EXOC1L: variants seen among roughly 807,000 people sequenced by gnomAD.
The protein encoded by EXOC1L is exocyst complex component 1-like.
A neutral mutation model predicts 4.9 loss-of-function variants in EXOC1L; 10 were observed. The observed-to-expected ratio is 2.02, with a 90% CI of 1.25 to 3.43. The LOEUF (loss-of-function observed/expected upper bound fraction) is 3.43, where lower values mean the gene tolerates loss of function less well. EXOC1L is among the 30% of genes most tolerant of loss of function. The probability of loss-of-function intolerance (pLI) is 0.00; values close to 1 mark genes in which losing one functional copy is unlikely to be tolerated. For synonymous variants in EXOC1L, 41 were observed against 20.8 expected, an observed-to-expected ratio of 1.97 and a Z score of -2.63; for missense variants, 114 against 59.4, an observed-to-expected ratio of 1.92 and a Z score of -3.02.
intron 1 of EXOC1L, among the ~76,000 whole-genome samples, chr4:55,831,005 T>C (rs938272959): frequency 1.3e-5 from 2 of 152,192 alleles, no homozygotes; most frequent in Non-Finnish European, 2.9e-5. Context: ...ATGCTAAGGC[T>C]AAGCCTCTTA....
chr4:55,837,166 C>T lies in EXOC1L; in HGVS notation c.334C>T (p.Arg112Ter), dbSNP rs1426277040. Reference protein sequence around the residue: ...YSCASKYAFARTVNKLNHAYL... With the variant: ...YSCASKYAFA ...CTGTGCTTCTAAATATGCCTTTGCT[C>T]GAACTGTAAATAAGCTGAATCATGC... The change falls in exon 3 of 3, where the codon CGA (arginine) becomes TGA (stop). Residue 112 changes from arginine (R) to a stop codon, truncating the protein, a stop_gained. Coordinates refer to ENST00000636125, the MANE Select transcript of EXOC1L (RefSeq NM_001351574.3). LOFTEE classifies it high-confidence loss of function. 7.1e-6 allele frequency: 5 copies of T among 701,826 alleles called. No individual in the cohort carries two copies. The highest frequency in any genetic ancestry group is 2.7e-5 in the East Asian group (1 of 37,266). The allele number at this position is 701,826 out of a possible 1,614,324, so 43.5% of individuals were successfully genotyped here. A position where few individuals can be genotyped will look rare whatever the true frequency, so the allele number is the denominator to read the frequency against.
chr4:55,834,186 T>C (rs907299985), intron 2 of EXOC1L, among the ~76,000 whole-genome samples: 26 of 151,920 alleles, frequency 1.7e-4, no homozygotes, highest in African/African-American at 6.0e-4. Flanking sequence ...CAAAAAGTTG[T>C]CAACTTTAAA....
chr4:55,822,045 G>A (rs1273779500), intron 1 of EXOC1L, among the ~76,000 whole-genome samples: 1 of 152,176 alleles, frequency 6.6e-6, no homozygotes, highest in Non-Finnish European at 1.5e-5. Flanking sequence ...TACTTTGAAC[G>A]ATGGCCACCT....
Position 55,837,382 on chromosome 4 carries a change from C to A in EXOC1L, c.*31C>A. On this transcript the variant is annotated 3_prime_UTR_variant, in exon 3 of 3. Transcript: ENST00000636125. ...TGTACCACATTCCTTCATCAGTGAC[C>A]TATGAAAATGGTTTCCCAAGTAAAT... 1 of 443,490 alleles carries A rather than the reference C, an allele frequency of 2.3e-6. No homozygotes were observed. The highest frequency in any genetic ancestry group is 4.0e-6 in the Non-Finnish European group (1 of 249,882). The allele number at this position is 443,490 out of a possible 1,614,324, so 27.5% of individuals were successfully genotyped here.
intron 1 of EXOC1L, 87 bp downstream of exon 1, chr4:55,820,234 A>C (rs1325389801): frequency 7.7e-6 from 3 of 392,082 alleles, no homozygotes; most frequent in Non-Finnish European, 1.3e-5. Context: ...TTTTGTATTT[A>C]TTTTCCTATA....
intron 1 of EXOC1L, among the ~76,000 whole-genome samples, chr4:55,823,839 G>A (rs529426046): frequency 6.6e-6 from 1 of 152,114 alleles, no homozygotes; most frequent in Non-Finnish European, 1.5e-5. Context: ...GTTTTGCTAC[G>A]TAATAATTTA....
intron 1 of EXOC1L, among the ~76,000 whole-genome samples, chr4:55,827,166 T>C (rs1025899244): frequency 3.9e-5 from 6 of 152,184 alleles, no homozygotes; most frequent in Non-Finnish European, 5.9e-5. Flanking sequence ...CCTCAGGAAC[T>C]AGTCTTGCCT....
chr4:55,830,718 T>C (rs1397944767), intron 1 of EXOC1L, among the ~76,000 whole-genome samples: 9 of 152,176 alleles, frequency 5.9e-5, no homozygotes, highest in Non-Finnish European at 1.5e-5. Flanking sequence ...ATAGCACATT[T>C]TGAATACTAG....
In EXOC1L at chr4:55,828,417, T is replaced by G. The variant is rs931373031; in HGVS notation, c.122-2917T>G. Among the ~76,000 whole-genome samples, 5 of 152,296 alleles carry G rather than the reference T, an allele frequency of 3.3e-5. 1 individual carries two copies. The highest frequency in any genetic ancestry group is 1.2e-4 in the African/African-American group (5 of 41,574). ...CAAACCTTTAAACTTCACCATCCTCTTGATTCCCATAGCATTACACAGCTG... is the reference window on the plus strand; with the variant it reads ...CAAACCTTTAAACTTCACCATCCTCGTGATTCCCATAGCATTACACAGCTG... On this transcript the variant is annotated intron_variant, in intron 1 of 2. Transcript: ENST00000636125.
intron 2 of EXOC1L, among the ~76,000 whole-genome samples, chr4:55,832,077 T>G (rs1212403371): frequency 6.6e-6 from 1 of 152,056 alleles, no homozygotes; most frequent in Non-Finnish European, 1.5e-5. Context: ...CTTTAACTGT[T>G]ACCCAGATTT....
intron 1 of EXOC1L, among the ~76,000 whole-genome samples, chr4:55,827,392 C>T (rs1225526731): frequency 6.6e-6 from 1 of 152,208 alleles, no homozygotes; most frequent in Non-Finnish European, 1.5e-5. Context: ...ATGAAGACAT[C>T]CTTCCTCCAC....
chr4:55,821,616 A>T (rs1254940690), intron 1 of EXOC1L, among the ~76,000 whole-genome samples: 1 of 152,190 alleles, frequency 6.6e-6, no homozygotes, highest in African/African-American at 2.4e-5. Context: ...TTCTCCCTCC[A>T]AATTATGTAA....
chr4:55,826,085 CAAAA>C (rs34455273), intron 1 of EXOC1L, among the ~76,000 whole-genome samples: 5 of 78,628 alleles, frequency 6.4e-5, no homozygotes, highest in Non-Finnish European at 1.0e-4. Flanking sequence ...AACTCCATCT[CAAAA>C]AAAAAAAAAA....
rs547805853 is a variant in EXOC1L, at chr4:55,836,081, C to A, written c.253-1004C>A. 2.6e-5 allele frequency among the ~76,000 whole-genome samples: 4 copies of A among 151,934 alleles called. No individual in the cohort carries two copies. The East Asian group carries it at 7.7e-4, about 29-fold the overall frequency. On this transcript the variant is annotated intron_variant, in intron 2 of 2. Transcript: ENST00000636125. ...TTCATCCTCTATTTCCTGCCTCCTGCAAGAATTTTCCTATTTAAAAAACAA... is the reference window on the plus strand; with the variant it reads ...TTCATCCTCTATTTCCTGCCTCCTGAAAGAATTTTCCTATTTAAAAAACAA...
chr4:55,827,569 A>T (rs1331985422), intron 1 of EXOC1L, among the ~76,000 whole-genome samples: 1 of 152,186 alleles, frequency 6.6e-6, no homozygotes, highest in Non-Finnish European at 1.5e-5. Context: ...GCACTCGAAT[A>T]TTTATCAATT....
At chr4:55,821,688 T>C (rs1226598265) in intron 1 of EXOC1L, among the ~76,000 whole-genome samples, 2 of 152,194 alleles carry the variant, frequency 1.3e-5, no homozygotes, top group African/African-American at 4.8e-5. Flanking sequence ...TGTTTGGAAA[T>C]AATTCAATAA....
At position 55,820,895 on chromosome 4, in the gene EXOC1L, A is replaced by C. The variant is rs554199170; in HGVS notation, c.121+748A>C. The stretch of plus-strand genomic sequence containing the variant: ...TGCCTAACCTGTGATTTCTGTGCTG[A>C]ATTTAGACAGGAGTGCTCATGCCAT... On this transcript the variant is annotated intron_variant, in intron 1 of 2. Transcript: ENST00000636125. Among the ~76,000 whole-genome samples the C allele has an allele frequency of 3.9e-5, 6 of 152,306 alleles. No individual in the cohort carries two copies. The South Asian group carries it at 1.2e-3, about 32-fold the overall frequency.
chr4:55,823,399 T>C (rs1184933120), intron 1 of EXOC1L, among the ~76,000 whole-genome samples: 1 of 152,200 alleles, frequency 6.6e-6, no homozygotes, highest in Non-Finnish European at 1.5e-5. Flanking sequence ...AAAGAATTTC[T>C]TTCTTTAAGT....
Position 55,819,951 on chromosome 4 carries a change from C to T in EXOC1L, c.-76C>T. 1 of 396,632 alleles carries T rather than the reference C, an allele frequency of 2.5e-6. No homozygotes were observed. The highest frequency in any genetic ancestry group is 3.6e-5 in the East Asian group (1 of 27,928). 24.6% of individuals were successfully genotyped at this position (396,632 alleles called of 1,614,324 possible). ...CTCACCAAGGAGCTGCAAACCCAAA[C>T]GAGAAATCTAGGGAGCAAAAGGAGA... On this transcript the variant is annotated 5_prime_UTR_variant, in exon 1 of 3. In the 5' UTR this introduces an upstream ATG that the reference lacks. Coordinates refer to ENST00000636125, the MANE Select transcript of EXOC1L (RefSeq NM_001351574.3).
Sources: gnomAD v4.1 joint callset for allele counts (sites outside exome capture counted in the v4.1 genomes callset) on GRCh38, gnomAD v4.1.1 for gene constraint, MANE v1.5 for transcripts, NCBI Gene and HGNC (gene_info 2026-07-23, HGNC 2026-07-21) for gene names.